Variants in CNTNAP2 observed in about 807,000 individuals in gnomAD.
The protein encoded by CNTNAP2 is contactin-associated protein-like 2.
Under a neutral mutation model 155.2 loss-of-function variants are expected in CNTNAP2, and 98 were observed. That is an observed-to-expected ratio of 0.63 (90% CI 0.54 to 0.75). CNTNAP2 has a LOEUF of 0.75. Ranked by LOEUF, CNTNAP2 falls within the 30% of genes least tolerant of loss-of-function variation. The pLI, the probability that CNTNAP2 is intolerant of heterozygous loss-of-function variation, is 0.00. For synonymous variants in CNTNAP2, 651 were observed against 631.2 expected (o/e 1.03, Z -0.47); for missense variants, 1,727 against 1,688.1 (o/e 1.02, Z -0.40).
At chr7:148,396,013 G>A (rs990682910) in intron 22 of CNTNAP2, among the ~76,000 whole-genome samples, 2 of 151,916 alleles carry the variant, frequency 1.3e-5, no homozygotes, top group Non-Finnish European at 1.5e-5. Flanking sequence ...TCCACCCTCC[G>A]ACCCCCACCC....
chr7:147,142,887 A>G (rs571314520), intron 8 of CNTNAP2, among the ~76,000 whole-genome samples: 1 of 152,090 alleles, frequency 6.6e-6, no homozygotes, highest in East Asian at 1.9e-4. Context: ...CCTGACAAGG[A>G]TTTCCTTCTC....
At chr7:148,128,432 A>T (rs1459428039) in intron 16 of CNTNAP2, among the ~76,000 whole-genome samples, 5 of 152,234 alleles carry the variant, frequency 3.3e-5, no homozygotes, top group Non-Finnish European at 7.3e-5. Flanking sequence ...TCTCGATTTA[A>T]ACCTTTGATT....
At chr7:148,348,822 C>A (rs1177917) in intron 21 of CNTNAP2, among the ~76,000 whole-genome samples, 149,320 of 152,330 alleles carry the variant, frequency 0.98, 73,251 homozygotes, top group East Asian at 1. Context: ...AGATTCACTA[C>A]CTAATCGGAT....
chr7:146,440,158 A>C (rs1444535103), intron 1 of CNTNAP2, among the ~76,000 whole-genome samples: 7 of 151,700 alleles, frequency 4.6e-5, no homozygotes, highest in Middle Eastern at 6.8e-3. Flanking sequence ...AATCTGTCCT[A>C]TATTAACATA....
intron 1 of CNTNAP2, among the ~76,000 whole-genome samples, chr7:146,278,932 T>G (rs2129084510): frequency 6.6e-6 from 1 of 152,266 alleles, no homozygotes; most frequent in Non-Finnish European, 1.5e-5. Context: ...ATAGGAACAT[T>G]AAGAAGTTGG....
chr7:147,794,225 T>C (rs1367550134), intron 13 of CNTNAP2, among the ~76,000 whole-genome samples: 2 of 152,004 alleles, frequency 1.3e-5, no homozygotes, highest in Non-Finnish European at 2.9e-5. Flanking sequence ...ATCCTTGTCT[T>C]GTTCCTGATT....
At chr7:147,178,761 C>T (rs1012701235) in intron 8 of CNTNAP2, among the ~76,000 whole-genome samples, 8 of 152,238 alleles carry the variant, frequency 5.3e-5, no homozygotes, top group African/African-American at 1.9e-4. Flanking sequence ...TGTTTTATGA[C>T]AAAGTAGAGG....
chr7:146,905,706 A>G (rs115843478), intron 3 of CNTNAP2, among the ~76,000 whole-genome samples: 203 of 152,346 alleles, frequency 1.3e-3, no homozygotes, highest in African/African-American at 4.7e-3. Context: ...GCAATGAGTG[A>G]TAAGCCAGTG....
At chr7:147,735,059 G>A (rs1189747397) in intron 13 of CNTNAP2, among the ~76,000 whole-genome samples, 1 of 150,472 alleles carries the variant, frequency 6.6e-6, no homozygotes, top group Non-Finnish European at 1.5e-5. Context: ...TTTGCCTTCT[G>A]CTAGCTTTTG....
intron 1 of CNTNAP2, among the ~76,000 whole-genome samples, chr7:146,344,021 A>G (rs527881647): frequency 6.6e-6 from 1 of 152,326 alleles, no homozygotes; most frequent in African/African-American, 2.4e-5. Flanking sequence ...ATCATAAAAA[A>G]TTATAAATGA....
chr7:147,483,682 C>G (rs546565236), intron 10 of CNTNAP2, among the ~76,000 whole-genome samples: 3 of 152,262 alleles, frequency 2.0e-5, no homozygotes, highest in Middle Eastern at 3.4e-3. Flanking sequence ...CCATACAACA[C>G]CATATACGTA....
chr7:146,727,606 G>A (rs944490604), intron 1 of CNTNAP2, among the ~76,000 whole-genome samples: 6 of 152,068 alleles, frequency 3.9e-5, no homozygotes, highest in Non-Finnish European at 8.8e-5. Flanking sequence ...CCCAATTGCC[G>A]GCAATTTTCA....
At position 148,375,132 on chromosome 7, in the gene CNTNAP2, A is replaced by G. The variant is rs571970244; in HGVS notation, c.3476-8517A>G. Among the ~76,000 whole-genome samples, 10 of 152,152 alleles carry G rather than the reference A, an allele frequency of 6.6e-5. No individual in the cohort carries two copies. In the South Asian group the frequency reaches 1.9e-3, roughly 28 times the overall value. On this transcript the variant is annotated intron_variant, in intron 21 of 23. Coordinates refer to ENST00000361727, the MANE Select transcript of CNTNAP2 (RefSeq NM_014141.6). ...AGATGTGTGCTCCTACCCATTCCAA[A>G]TGTCTGGTGTTTGGGAAACATTTAA... is the stretch of plus-strand genomic sequence containing the variant.
chr7:146,801,651 A>T (rs1020817661), intron 2 of CNTNAP2, among the ~76,000 whole-genome samples: 3 of 152,194 alleles, frequency 2.0e-5, no homozygotes, highest in Non-Finnish European at 2.9e-5. Flanking sequence ...CATAATAAAG[A>T]ACTGAGGCAT....
At chr7:146,194,526 C>T (rs1798750014) in intron 1 of CNTNAP2, among the ~76,000 whole-genome samples, 2 of 152,106 alleles carry the variant, frequency 1.3e-5, no homozygotes, top group Admixed American at 1.3e-4. Context: ...CCACCAGGTC[C>T]CTGTCAGGAC....
At chr7:148,174,423 C>CA (rs888758451) in intron 18 of CNTNAP2, among the ~76,000 whole-genome samples, 42 of 152,102 alleles carry the variant, frequency 2.8e-4, no homozygotes, top group South Asian at 6.3e-4. Context: ...TGTGACCGCC[C>CA]CCCACCTCAG....
chr7:147,662,194 C>T (rs185987260), intron 13 of CNTNAP2, among the ~76,000 whole-genome samples: 34 of 152,320 alleles, frequency 2.2e-4, no homozygotes, highest in Non-Finnish European at 3.8e-4. Context: ...TGCAACATTA[C>T]ACACTTTGCC....
chr7:147,815,673 A>C (rs1798252939), intron 13 of CNTNAP2, among the ~76,000 whole-genome samples: 1 of 152,210 alleles, frequency 6.6e-6, no homozygotes, highest in Non-Finnish European at 1.5e-5. Context: ...CCACCATGGA[A>C]TACAACATAT....
intron 13 of CNTNAP2, among the ~76,000 whole-genome samples, chr7:147,695,844 C>T (rs981418421): frequency 6.6e-6 from 1 of 152,076 alleles, no homozygotes; most frequent in Non-Finnish European, 1.5e-5. Context: ...AGTATATTTA[C>T]ATTCTGTTGT....
Sources: gnomAD v4.1 joint callset for allele counts (sites outside exome capture counted in the v4.1 genomes callset) on GRCh38, gnomAD v4.1.1 for gene constraint, MANE v1.5 for transcripts, NCBI Gene and HGNC (gene_info 2026-07-23, HGNC 2026-07-21) for gene names.